Variants in SLC22A15 observed in about 807,000 individuals in gnomAD.
SLC22A15 encodes solute carrier family 22 member 15.
A neutral mutation model predicts 62.7 loss-of-function variants in SLC22A15; 45 were observed. That is an observed-to-expected ratio of 0.72 (90% CI 0.56 to 0.92). The LOEUF (loss-of-function observed/expected upper bound fraction) is 0.92, where lower values mean the gene tolerates loss of function less well. SLC22A15 is among the 40% of genes least tolerant of loss of function. The probability of loss-of-function intolerance (pLI) is 0.00; values close to 1 mark genes in which losing one functional copy is unlikely to be tolerated. For missense variants in SLC22A15, 622 were observed against 665.6 expected (o/e 0.93, Z 0.72); for synonymous variants, 264 against 267.0 (o/e 0.99, Z 0.11).
Position 116,031,522 on chromosome 1 carries a change from C to T in SLC22A15, c.885C>T (p.Phe295=), listed in dbSNP as rs1443869563. 2 of 1,613,876 alleles carry T rather than the reference C, an allele frequency of 1.2e-6. No homozygotes were observed. The highest frequency in any genetic ancestry group is 1.7e-5 in the Admixed American group (1 of 60,000). Residue 295 remains phenylalanine (F), a synonymous_variant, in exon 6 of 12, where the codon TTC becomes TTT. Coordinates refer to ENST00000369503, the MANE Select transcript of SLC22A15 (RefSeq NM_018420.3). ...GGAGCTGCAGGGAGACTGGAAGTTT[C>T]CTGGATCTCTTTCGTTACCGGGTCC... is the stretch of plus-strand genomic sequence containing the variant. ...ANRSCRETGS[F]LDLFRYRVLL...
At chr1:116,063,050 G>A (rs1658420436) in intron 9 of SLC22A15, among the ~76,000 whole-genome samples, 168 bp downstream of exon 9, 1 of 152,190 alleles carries the variant, frequency 6.6e-6, no homozygotes. Flanking sequence ...ACTGCTCTCT[G>A]CCTGCTCTGC....
chr1:116,066,569 T>C lies in SLC22A15; in HGVS notation c.1415T>C (p.Leu472Pro), dbSNP rs1479544744. The C allele has an allele frequency of 6.2e-7, 1 of 1,607,908 alleles. No individual in the cohort carries two copies. Among genetic ancestry groups the C allele is most frequent in the Non-Finnish European group, 8.5e-7 (1 of 1,177,054 alleles). The change falls in exon 11 of 12, where the codon CTG (leucine) becomes CCG (proline). Residue 472 changes from leucine (L) to proline (P), a missense_variant. Leu to Pro is a moderately conservative substitution (Grantham distance 98). Coordinates refer to ENST00000369503, the MANE Select transcript of SLC22A15 (RefSeq NM_018420.3). ...TTCATTGTCTTCGGAGCCACGGGTC[T>C]GACCTCCGGCCTCCTGAGTTTGTTA... ...LPFIVFGATGLTSGLLSLLLP... is the reference protein window; with the variant it reads ...LPFIVFGATGPTSGLLSLLLP...
At chr1:116,010,875 T>C (rs1656215000) in intron 2 of SLC22A15, among the ~76,000 whole-genome samples, 1 of 152,204 alleles carries the variant, frequency 6.6e-6, no homozygotes, top group South Asian at 2.1e-4. Flanking sequence ...GACTTGGTTT[T>C]CATCAAAGCA....
chr1:115,989,595 A>C (rs536677606), intron 1 of SLC22A15, among the ~76,000 whole-genome samples: 3 of 152,290 alleles, frequency 2.0e-5, no homozygotes, highest in Admixed American at 2.0e-4. Flanking sequence ...AGCCTGGCCA[A>C]CATGGTGAAA....
chr1:115,983,449 CAT>C (rs1343634308), intron 1 of SLC22A15, among the ~76,000 whole-genome samples: 22 of 151,486 alleles, frequency 1.5e-4, no homozygotes, highest in African/African-American at 4.9e-4. Flanking sequence ...TGCACGCGCA[CAT>C]GTGTGTGTAT....
intron 8 of SLC22A15, among the ~76,000 whole-genome samples, chr1:116,039,068 T>C (rs1657714618): frequency 6.6e-6 from 1 of 152,216 alleles, no homozygotes; most frequent in South Asian, 2.1e-4. Flanking sequence ...AGTACCACTC[T>C]ATTTAATTAC....
At chr1:116,014,468 T>C (rs1656427625) in intron 2 of SLC22A15, among the ~76,000 whole-genome samples, 1 of 152,242 alleles carries the variant, frequency 6.6e-6, no homozygotes, top group Non-Finnish European at 1.5e-5. Context: ...ATACAGATGC[T>C]GGTTATAAAA....
chr1:115,988,070 T>C (rs188510322), intron 1 of SLC22A15, among the ~76,000 whole-genome samples: 1 of 152,322 alleles, frequency 6.6e-6, no homozygotes, highest in East Asian at 1.9e-4. Context: ...TGCATTTTAG[T>C]CATTTTTCTA....
At chr1:116,055,119 G>A (rs1204324064) in intron 8 of SLC22A15, among the ~76,000 whole-genome samples, 1 of 149,050 alleles carries the variant, frequency 6.7e-6, no homozygotes, top group African/African-American at 2.5e-5. Context: ...TCCAGGAGCT[G>A]GTTTTTTGAA....
chr1:116,055,643 G>T (rs1425460076), intron 8 of SLC22A15, among the ~76,000 whole-genome samples: 3 of 151,722 alleles, frequency 2.0e-5, no homozygotes, highest in Admixed American at 6.6e-5. Context: ...GAACATTGAT[G>T]CAAAAATCCT....
intron 1 of SLC22A15, among the ~76,000 whole-genome samples, chr1:115,984,415 T>C (rs1043895641): frequency 6.6e-6 from 1 of 152,204 alleles, no homozygotes; most frequent in Non-Finnish European, 1.5e-5. Flanking sequence ...ATTCCCAGTA[T>C]GGCTAATATA....
chr1:116,059,457 C>T (rs542785853), intron 8 of SLC22A15, among the ~76,000 whole-genome samples: 12 of 152,034 alleles, frequency 7.9e-5, no homozygotes, highest in Non-Finnish European at 1.6e-4. Context: ...TGTGGTATAT[C>T]AATATAATGG....
At chr1:116,037,435 A>G (rs1657660407) in intron 8 of SLC22A15, 47 bp downstream of exon 8, 3 of 1,325,244 alleles carry the variant, frequency 2.3e-6, no homozygotes, top group Non-Finnish European at 3.3e-6. Context: ...TACTTTCATT[A>G]CAATGAATCA....
At position 116,062,683 on chromosome 1, in the gene SLC22A15, C is replaced by T. The variant is rs1331091348; in HGVS notation, c.1172-79C>T. The T allele has an allele frequency of 4.5e-6, 7 of 1,546,006 alleles. No individual in the cohort carries two copies. The Admixed American group carries it at 8.5e-5, about 19-fold the overall frequency. ...TTGAGATCAACATGAATGCCACCTG[C>T]TCCATCAAAATGAAATGTGCCATTT... On this transcript the variant is annotated intron_variant, in intron 8 of 11. Transcript: ENST00000369503.
In SLC22A15 at chr1:115,991,732, A is replaced by G. The variant is rs1035759579; in HGVS notation, c.88-299A>G. On this transcript the variant is annotated intron_variant, in intron 1 of 11. Transcript: ENST00000369503. ...TTCCCTGCCCTTCTACTTTTGAACC[A>G]TATAAGCATATAAGCATATAAGCAG... is the stretch of plus-strand genomic sequence containing the variant. Among the ~76,000 whole-genome samples the G allele has an allele frequency of 5.3e-5, 8 of 152,326 alleles. No individual in the cohort carries two copies. In the East Asian group the frequency reaches 1.2e-3, roughly 22 times the overall value.
At chr1:115,986,997 G>T (rs899581520) in intron 1 of SLC22A15, among the ~76,000 whole-genome samples, 1 of 152,130 alleles carries the variant, frequency 6.6e-6, no homozygotes, top group Non-Finnish European at 1.5e-5. Flanking sequence ...TAGGGGAATT[G>T]AATAGGCTGG....
chr1:116,063,895 G>A (rs1480537861), intron 9 of SLC22A15, among the ~76,000 whole-genome samples: 1 of 151,934 alleles, frequency 6.6e-6, no homozygotes, highest in Non-Finnish European at 1.5e-5. Context: ...GGTGTTCTTG[G>A]TTTCCTGACA....
At chr1:115,991,975 T>C in intron 1 of SLC22A15, 56 bp from the exon 2 acceptor site, 1 of 1,506,436 alleles carries the variant, frequency 6.6e-7, no homozygotes, top group Non-Finnish European at 9.2e-7. Flanking sequence ...GCTAAGTGTC[T>C]TCAACATTGA....
intron 1 of SLC22A15, among the ~76,000 whole-genome samples, chr1:115,983,757 G>T (rs919080900): frequency 6.6e-6 from 1 of 152,198 alleles, no homozygotes. Context: ...AGCTGAAGGA[G>T]GATCCATGGG....
Sources: allele counts gnomAD v4.1 joint callset (sites outside exome capture counted in the v4.1 genomes callset), GRCh38; gene constraint gnomAD v4.1.1; transcripts MANE v1.5; gene names NCBI Gene and HGNC (gene_info 2026-07-23, HGNC 2026-07-21).